GK: variants seen among roughly 807,000 people sequenced by gnomAD.
GK encodes the protein ATP:glycerol 3-phosphotransferase.
In GK, 9 loss-of-function variants were observed where a neutral mutation model predicts 56.4. The ratio of observed to expected loss-of-function variants is 0.16; its 90% CI spans 0.10 to 0.28. GK has a LOEUF of 0.28. GK is among the 10% of genes least tolerant of loss of function. GK has a pLI of 1.00. For missense variants in GK, 161 were observed against 431.4 expected, an observed-to-expected ratio of 0.37 and a Z score of 5.55; for synonymous variants, 104 against 144.1, an observed-to-expected ratio of 0.72 and a Z score of 1.99.
intron 4 of GK, among the ~76,000 whole-genome samples, chrX:30,685,991 A>C (rs1170278244): frequency 1.8e-5 from 2 of 112,589 alleles, no homozygotes; most frequent in Non-Finnish European, 3.8e-5. Flanking sequence ...TTTTTCATCC[A>C]GTAATGCCAG....
chrX:30,705,478 C>T (rs2147230931), intron 11 of GK, among the ~76,000 whole-genome samples: 1 of 112,933 alleles, frequency 8.9e-6, no homozygotes, highest in East Asian at 2.8e-4. Flanking sequence ...ACAGCTTCCT[C>T]TGGGGTCAAC....
At chrX:30,671,291 CA>C (rs56822779) in intron 3 of GK, among the ~76,000 whole-genome samples, 1,249 of 27,282 alleles carry the variant, frequency 0.046, 10 homozygotes, top group African/African-American at 0.13. Flanking sequence ...AACTCCATCT[CA>C]AAAAAAAAAA....
At chrX:30,678,852 A>ATTT (rs58342528) in intron 4 of GK, among the ~76,000 whole-genome samples, 1 of 77,182 alleles carries the variant, frequency 1.3e-5, no homozygotes, top group East Asian at 4.1e-4. Flanking sequence ...ATGCCCAGCT[A>ATTT]TTTTTTTTTT....
intron 4 of GK, among the ~76,000 whole-genome samples, chrX:30,678,695 GT>G (rs1299369559): frequency 2.4e-4 from 16 of 67,066 alleles, no homozygotes; most frequent in East Asian, 1.7e-3. Context: ...TCTTTCCTCT[GT>G]TTTTTTTTTT....
At chrX:30,701,167 T>A (rs1935636712) in intron 11 of GK, among the ~76,000 whole-genome samples, 1 of 111,984 alleles carries the variant, frequency 8.9e-6, no homozygotes, top group Non-Finnish European at 1.9e-5. Flanking sequence ...CCCAGCACTT[T>A]GAGTGGCCGA....
chrX:30,695,960 T>A, intron 6 of GK, 82 bp from the exon 7 acceptor site: 1 of 562,384 alleles, frequency 1.8e-6, no homozygotes, highest in Non-Finnish European at 3.2e-6. Context: ...CTTTATGTGC[T>A]CTGCTGATTA....
At chrX:30,691,938 C>T (rs187807238) in intron 5 of GK, among the ~76,000 whole-genome samples, 1 of 111,117 alleles carries the variant, frequency 9.0e-6, no homozygotes, top group African/African-American at 3.3e-5. Context: ...AATAAAACTG[C>T]CTAATTTTCA....
At chrX:30,684,172 G>A (rs1934449540) in intron 4 of GK, among the ~76,000 whole-genome samples, 1 of 112,198 alleles carries the variant, frequency 8.9e-6, no homozygotes, top group African/African-American at 3.2e-5. Flanking sequence ...GTGATGTTTA[G>A]TATGTTTACA....
At chrX:30,712,231 T>C (rs1284547318) in intron 13 of GK, among the ~76,000 whole-genome samples, 2 of 112,319 alleles carry the variant, frequency 1.8e-5, no homozygotes, top group African/African-American at 6.5e-5. Context: ...TTGTTTTCAG[T>C]ATTTGGCTAT....
intron 1 of GK, among the ~76,000 whole-genome samples, chrX:30,661,704 G>A (rs759799386): frequency 4.5e-5 from 5 of 111,595 alleles, no homozygotes; most frequent in Non-Finnish European, 7.5e-5. Flanking sequence ...CCTATGTGAG[G>A]CAGAAGTTGC....
intron 5 of GK, among the ~76,000 whole-genome samples, chrX:30,692,040 T>A (rs1365339990): frequency 9.0e-6 from 1 of 111,522 alleles, no homozygotes; most frequent in African/African-American, 3.3e-5. Context: ...AAGGCCAAGT[T>A]CTTCTAGCGT....
chrX:30,691,293 A>G, intron 5 of GK, 94 bp downstream of exon 5: 1 of 504,067 alleles, frequency 2.0e-6, no homozygotes, highest in Non-Finnish European at 3.5e-6. Flanking sequence ...ATGGTACAAT[A>G]GTTATTTGAT....
At chrX:30,683,055 G>A (rs776206355) in intron 4 of GK, among the ~76,000 whole-genome samples, 1 of 111,227 alleles carries the variant, frequency 9.0e-6, no homozygotes, top group African/African-American at 3.3e-5. Context: ...ATTTGGAAGA[G>A]ACACATACAT....
intron 4 of GK, among the ~76,000 whole-genome samples, chrX:30,689,779 C>T (rs974545545): frequency 1.8e-5 from 2 of 111,917 alleles, no homozygotes; most frequent in African/African-American, 6.5e-5. Flanking sequence ...GAGGGTGGAA[C>T]GATTTCCTAA....
intron 13 of GK, among the ~76,000 whole-genome samples, chrX:30,717,429 C>A (rs1228099219): frequency 9.0e-6 from 1 of 110,668 alleles, no homozygotes; most frequent in Non-Finnish European, 1.9e-5. Context: ...ACAACCATCA[C>A]CACAATCTAA....
chrX:30,684,367 T>C (rs967908610), intron 4 of GK, among the ~76,000 whole-genome samples: 1 of 110,732 alleles, frequency 9.0e-6, no homozygotes, highest in Non-Finnish European at 1.9e-5. Context: ...TGATTTAATA[T>C]AAAAATACCA....
At chrX:30,716,994 A>G (rs1936660859) in intron 13 of GK, among the ~76,000 whole-genome samples, 1 of 112,114 alleles carries the variant, frequency 8.9e-6, no homozygotes, top group African/African-American at 3.2e-5. Flanking sequence ...AAACAGAACA[A>G]TTGTGGCATT....
chrX:30,671,455 G>C (rs1369206124), intron 3 of GK, among the ~76,000 whole-genome samples: 1 of 111,564 alleles, frequency 9.0e-6, no homozygotes. Context: ...CTAGACCAGA[G>C]TTCTTTTTCC....
chrX:30,662,974 C>T (rs1175304306), intron 1 of GK, among the ~76,000 whole-genome samples: 1 of 108,912 alleles, frequency 9.2e-6, no homozygotes, highest in African/African-American at 3.4e-5. Context: ...CCTCCACCTC[C>T]TTGGTTCAAG....
Sources: allele counts gnomAD v4.1 joint callset (sites outside exome capture counted in the v4.1 genomes callset), GRCh38; gene constraint gnomAD v4.1.1; transcripts MANE v1.5; gene names NCBI Gene and HGNC (gene_info 2026-07-23, HGNC 2026-07-21).